The following PPP3R1 variants were observed in gnomAD, a reference collection of about 807,000 sequenced individuals.
The protein encoded by PPP3R1 is calcineurin subunit B type 1.
Under a neutral mutation model 22.6 loss-of-function variants are expected in PPP3R1, and 5 were observed. The observed-to-expected ratio is 0.22, with a 90% CI of 0.12 to 0.46. The LOEUF (loss-of-function observed/expected upper bound fraction) is 0.46, where lower values mean the gene tolerates loss of function less well. PPP3R1 is among the 20% of genes least tolerant of loss of function. The probability of loss-of-function intolerance (pLI) is 0.99; values close to 1 mark genes in which losing one functional copy is unlikely to be tolerated. For synonymous variants in PPP3R1, 56 were observed against 65.2 expected (o/e 0.86, Z 0.68); for missense variants, 61 against 203.2 (o/e 0.30, Z 4.25).
chr2:68,239,273 CA>C (rs1171017399), intron 1 of PPP3R1, among the ~76,000 whole-genome samples: 1 of 152,128 alleles, frequency 6.6e-6, no homozygotes, highest in Non-Finnish European at 1.5e-5. Flanking sequence ...CTTGGTGACA[CA>C]AAACATAAAT....
chr2:68,242,666 A>ATC (rs1344736432), intron 1 of PPP3R1, among the ~76,000 whole-genome samples: 12 of 152,196 alleles, frequency 7.9e-5, no homozygotes, highest in Admixed American at 7.9e-4. Flanking sequence ...CTTATTGCCC[A>ATC]TTATCACGTG....
At chr2:68,229,889 T>C (rs955944510) in intron 1 of PPP3R1, among the ~76,000 whole-genome samples, 1 of 151,636 alleles carries the variant, frequency 6.6e-6, no homozygotes, top group African/African-American at 2.4e-5. Context: ...TATGTGTGTA[T>C]ATATATATAC....
At chr2:68,240,790 AG>A (rs1453213236) in intron 1 of PPP3R1, among the ~76,000 whole-genome samples, 1 of 152,186 alleles carries the variant, frequency 6.6e-6, no homozygotes, top group East Asian at 1.9e-4. Context: ...GAATTCATGG[AG>A]TCTTTTAGGC....
chr2:68,208,745 A>T (rs1032304550), intron 2 of PPP3R1, among the ~76,000 whole-genome samples: 1 of 151,658 alleles, frequency 6.6e-6, no homozygotes, highest in Non-Finnish European at 1.5e-5. Flanking sequence ...GACCAGCCTG[A>T]TCAACATGTT....
At chr2:68,198,303 ATG>A (rs1361389973) in intron 2 of PPP3R1, among the ~76,000 whole-genome samples, 3 of 144,948 alleles carry the variant, frequency 2.1e-5, no homozygotes, top group African/African-American at 7.6e-5. Flanking sequence ...ACATGTATAC[ATG>A]TATACATATA....
At chr2:68,215,953 TAAG>T (rs763564101) in intron 2 of PPP3R1, among the ~76,000 whole-genome samples, 11 of 152,296 alleles carry the variant, frequency 7.2e-5, no homozygotes, top group South Asian at 6.2e-4. Context: ...AAACACACTA[TAAG>T]AATGTTGTTT....
At chr2:68,189,950 G>A (rs1271587120) in intron 2 of PPP3R1, among the ~76,000 whole-genome samples, 1 of 151,874 alleles carries the variant, frequency 6.6e-6, no homozygotes, top group African/African-American at 2.4e-5. Context: ...CTGCCCATGA[G>A]TATATATGTA....
Position 68,188,986 on chromosome 2 carries a change from G to A in PPP3R1, c.44-296C>T, listed in dbSNP as rs553870560. ...GCTGAGTCTCAAGATATTCCAGGCC[G>A]GATAATGCTAAGCTGATCATGGAGG... On this transcript the variant is annotated intron_variant, in intron 2 of 5. Coordinates refer to ENST00000234310, the MANE Select transcript of PPP3R1 (RefSeq NM_000945.4). Among the ~76,000 whole-genome samples the A allele has an allele frequency of 5.3e-5, 8 of 152,202 alleles. No individual in the cohort carries two copies. In the South Asian group the frequency reaches 1.5e-3, roughly 28 times the overall value.
intron 2 of PPP3R1, among the ~76,000 whole-genome samples, chr2:68,208,097 G>C (rs893761496): frequency 1.3e-5 from 2 of 152,180 alleles, no homozygotes; most frequent in Non-Finnish European, 2.9e-5. Context: ...AGGTTGCAGT[G>C]AGCCGAGACC....
At chr2:68,223,272 T>C (rs1669720646) in intron 1 of PPP3R1, among the ~76,000 whole-genome samples, 1 of 152,164 alleles carries the variant, frequency 6.6e-6, no homozygotes, top group Admixed American at 6.5e-5. Flanking sequence ...TAGGCACCTG[T>C]ACAATCCCAG....
At chr2:68,241,983 C>G (rs1670146416) in intron 1 of PPP3R1, among the ~76,000 whole-genome samples, 1 of 152,194 alleles carries the variant, frequency 6.6e-6, no homozygotes, top group Non-Finnish European at 1.5e-5. Context: ...ACAGTAGCCA[C>G]TACCTACATG....
chr2:68,246,572 T>C (rs1670240459), intron 1 of PPP3R1, among the ~76,000 whole-genome samples: 1 of 152,190 alleles, frequency 6.6e-6, no homozygotes, highest in South Asian at 2.1e-4. Context: ...AAGACATCTT[T>C]AAGTTCTCTT....
intron 1 of PPP3R1, among the ~76,000 whole-genome samples, chr2:68,227,953 T>C (rs1024916982): frequency 2.8e-4 from 43 of 152,172 alleles, no homozygotes; most frequent in African/African-American, 8.4e-4. Flanking sequence ...TGTATGCCTT[T>C]ATATTCTTTT....
chr2:68,201,573 C>CGG (rs1377641269), intron 2 of PPP3R1, among the ~76,000 whole-genome samples: 4 of 152,176 alleles, frequency 2.6e-5, no homozygotes, highest in Non-Finnish European at 5.9e-5. Context: ...AGTTGTTATC[C>CGG]TGAGATTTTC....
intron 2 of PPP3R1, among the ~76,000 whole-genome samples, chr2:68,197,819 T>C (rs1304734483): frequency 2.6e-5 from 4 of 151,928 alleles, no homozygotes; most frequent in Non-Finnish European, 5.9e-5. Context: ...TCAATATTAA[T>C]GAAATAGAAT....
At chr2:68,232,898 C>T (rs1285853000) in intron 1 of PPP3R1, among the ~76,000 whole-genome samples, 1 of 152,166 alleles carries the variant, frequency 6.6e-6, no homozygotes, top group African/African-American at 2.4e-5. Context: ...TGAGCCACCA[C>T]ACCTGGTCTC....
intron 1 of PPP3R1, among the ~76,000 whole-genome samples, chr2:68,232,108 A>ATGT: frequency 1.1e-5 from 1 of 89,828 alleles, no homozygotes; most frequent in South Asian, 4.4e-4. Context: ...AAAAAAAAAA[A>ATGT]ATATATATAT....
chr2:68,227,008 T>C (rs2097610440), intron 1 of PPP3R1, among the ~76,000 whole-genome samples: 1 of 152,052 alleles, frequency 6.6e-6, no homozygotes, highest in African/African-American at 2.4e-5. Context: ...TATAACCAAA[T>C]AAGGAAATGT....
chr2:68,194,728 C>T (rs78876151), intron 2 of PPP3R1, among the ~76,000 whole-genome samples: 2,162 of 151,996 alleles, frequency 0.014, 58 homozygotes, highest in African/African-American at 0.049. Flanking sequence ...TTAGGTGATG[C>T]TAAAATTTTT....
Sources: allele counts gnomAD v4.1 joint callset (sites outside exome capture counted in the v4.1 genomes callset), GRCh38; gene constraint gnomAD v4.1.1; transcripts MANE v1.5; gene names NCBI Gene and HGNC (gene_info 2026-07-23, HGNC 2026-07-21).